Variants in DSCAM observed in about 807,000 individuals in gnomAD.
The protein encoded by DSCAM is DS cell adhesion molecule.
A neutral mutation model predicts 217.7 loss-of-function variants in DSCAM; 47 were observed. The ratio of observed to expected loss-of-function variants is 0.22; its 90% CI spans 0.17 to 0.28. The LOEUF is 0.28. Among genes scored for constraint, DSCAM ranks in the 10% least tolerant of loss-of-function variants. The probability of loss-of-function intolerance (pLI) is 1.00; values close to 1 mark genes in which losing one functional copy is unlikely to be tolerated. For missense variants in DSCAM, 2,080 were observed against 2,618.3 expected, an observed-to-expected ratio of 0.79 and a Z score of 4.49; for synonymous variants, 1,056 against 1,015.3, an observed-to-expected ratio of 1.04 and a Z score of -0.76.
chr21:40,339,410 T>A lies in DSCAM; in HGVS notation c.1216A>T (p.Thr406Ser), dbSNP rs574030833. The change falls in exon 7 of 33, where the codon ACT (threonine) becomes TCT (serine). Residue 406 changes from threonine (T) to serine (S), a missense_variant. Physicochemically the swap from Thr to Ser is moderately conservative, Grantham distance 58 (BLOSUM62 1). Coordinates refer to ENST00000400454, the MANE Select transcript of DSCAM (RefSeq NM_001389.5). ...DYVQVVLEDG[T>S]PKIISAFSEK... The stretch of plus-strand genomic sequence containing the variant: ...CTAAAGGCAGAAATAATTTTGGGAG[T>A]TCCATCTGCAGGAAAACAAATTATG... 8.1e-5 allele frequency: 130 copies of A among 1,598,284 alleles called. No homozygotes were observed. The highest frequency in any genetic ancestry group is 1.1e-4 in the Non-Finnish European group (127 of 1,171,864).
intron 1 of DSCAM, among the ~76,000 whole-genome samples, chr21:40,839,487 C>A (rs1157468318): frequency 6.6e-6 from 1 of 152,158 alleles, no homozygotes; most frequent in Admixed American, 6.5e-5. Flanking sequence ...TTGTTCAGAC[C>A]TACTCAAGCT....
chr21:40,115,556 C>T (rs970035683), intron 20 of DSCAM, among the ~76,000 whole-genome samples: 6 of 151,808 alleles, frequency 4.0e-5, no homozygotes, highest in African/African-American at 1.5e-4. Context: ...CTAAAACTTA[C>T]AGTATAATAA....
intron 3 of DSCAM, among the ~76,000 whole-genome samples, chr21:40,622,337 G>T (rs557600499): frequency 1.3e-5 from 2 of 152,216 alleles, no homozygotes; most frequent in East Asian, 1.9e-4. Flanking sequence ...GACTCTAGAG[G>T]TTATCACATT....
chr21:40,470,728 A>AT (rs1307288968), intron 3 of DSCAM, among the ~76,000 whole-genome samples: 4 of 152,040 alleles, frequency 2.6e-5, no homozygotes, highest in Admixed American at 1.3e-4. Context: ...TAATCTTTGT[A>AT]TTTTTTGTAG....
intron 3 of DSCAM, among the ~76,000 whole-genome samples, chr21:40,515,314 C>A (rs1296412402): frequency 6.6e-6 from 1 of 152,154 alleles, no homozygotes; most frequent in Non-Finnish European, 1.5e-5. Context: ...ACGAATAGTA[C>A]AGTAACTGTA....
intron 32 of DSCAM, among the ~76,000 whole-genome samples, chr21:40,017,186 A>T (rs372436414): frequency 6.6e-6 from 1 of 152,176 alleles, no homozygotes; most frequent in South Asian, 2.1e-4. Flanking sequence ...TACAATTTAA[A>T]TGAGCATACA....
chr21:40,325,061 A>T (rs2074302970), intron 8 of DSCAM, among the ~76,000 whole-genome samples: 4 of 152,138 alleles, frequency 2.6e-5, no homozygotes, highest in Admixed American at 2.6e-4. Context: ...GTAATAGATT[A>T]TTTGCTTGAG....
At chr21:40,548,929 G>A (rs1049930993) in intron 3 of DSCAM, among the ~76,000 whole-genome samples, 18 of 152,330 alleles carry the variant, frequency 1.2e-4, no homozygotes, top group African/African-American at 4.3e-4. Context: ...ACAAGGCCGG[G>A]CACGGTGGCT....
In DSCAM at chr21:40,792,512, A is replaced by G. The variant is rs1326955159; in HGVS notation, c.43+54107T>C. Among the ~76,000 whole-genome samples, 6 of 152,272 alleles carry G rather than the reference A, an allele frequency of 3.9e-5. No homozygotes were observed. The East Asian group carries it at 7.7e-4, about 20-fold the overall frequency. ...ACTTAGACACCTCTTTAAAGATCCT[A>G]TCTCCAAATACAGTGACATTAGGAG... On this transcript the variant is annotated intron_variant, in intron 1 of 32. Transcript: ENST00000400454.
intron 3 of DSCAM, among the ~76,000 whole-genome samples, chr21:40,480,813 A>T (rs765795062): frequency 6.6e-6 from 1 of 152,242 alleles, no homozygotes; most frequent in Non-Finnish European, 1.5e-5. Flanking sequence ...TGGACCTTAA[A>T]GATGATACTG....
chr21:40,425,033 G>C (rs2075458887), intron 3 of DSCAM, among the ~76,000 whole-genome samples: 2 of 152,098 alleles, frequency 1.3e-5, no homozygotes, highest in African/African-American at 4.8e-5. Flanking sequence ...GGGGGGTGGA[G>C]GTTGCAGAGA....
chr21:40,719,123 G>GA (rs2146503461), intron 1 of DSCAM, among the ~76,000 whole-genome samples: 1 of 150,288 alleles, frequency 6.7e-6, no homozygotes, highest in East Asian at 1.9e-4. Context: ...CTCCAAAGAA[G>GA]AAAAACACAC....
At chr21:40,073,862 A>T (rs2089328594) in intron 27 of DSCAM, among the ~76,000 whole-genome samples, 2 of 152,198 alleles carry the variant, frequency 1.3e-5, no homozygotes, top group South Asian at 4.1e-4. Flanking sequence ...TTGCGAAAGA[A>T]CATTTCAAGG....
chr21:40,635,270 A>C (rs1463428443), intron 3 of DSCAM, among the ~76,000 whole-genome samples: 2 of 152,210 alleles, frequency 1.3e-5, no homozygotes, highest in Non-Finnish European at 2.9e-5. Flanking sequence ...GGATGTCAGC[A>C]GGAGGGAAAA....
intron 1 of DSCAM, among the ~76,000 whole-genome samples, chr21:40,811,704 T>A (rs1377395807): frequency 6.6e-6 from 1 of 152,208 alleles, no homozygotes; most frequent in Non-Finnish European, 1.5e-5. Flanking sequence ...AGCAGTTAAC[T>A]CAGCTTTGGG....
chr21:40,157,779 C>T (rs2085912397), intron 16 of DSCAM, among the ~76,000 whole-genome samples: 4 of 151,930 alleles, frequency 2.6e-5, no homozygotes, highest in South Asian at 4.2e-4. Context: ...ACTGCAGCCT[C>T]GACCTCCCAG....
intron 21 of DSCAM, among the ~76,000 whole-genome samples, chr21:40,092,875 T>C (rs922404054): frequency 6.6e-6 from 1 of 152,198 alleles, no homozygotes; most frequent in African/African-American, 2.4e-5. Flanking sequence ...ACCCCTCTTT[T>C]TTCCCCTCAC....
chr21:40,785,514 A>T (rs1349896832), intron 1 of DSCAM, among the ~76,000 whole-genome samples: 1 of 152,238 alleles, frequency 6.6e-6, no homozygotes, highest in Non-Finnish European at 1.5e-5. Context: ...CAAAAAATAG[A>T]GAGTACTTTC....
chr21:40,831,671 T>C (rs989792657), intron 1 of DSCAM, among the ~76,000 whole-genome samples: 1 of 152,196 alleles, frequency 6.6e-6, no homozygotes, highest in African/African-American at 2.4e-5. Flanking sequence ...TGGGGAAAGA[T>C]TCTATCCTGT....
Sources: allele counts gnomAD v4.1 joint callset (sites outside exome capture counted in the v4.1 genomes callset), GRCh38; gene constraint gnomAD v4.1.1; transcripts MANE v1.5; gene names NCBI Gene and HGNC (gene_info 2026-07-23, HGNC 2026-07-21).